The following NUP153 variants were observed in gnomAD, a reference collection of about 807,000 sequenced individuals.
The protein encoded by NUP153 is nucleoporin 153, also known as nuclear pore complex protein Nup153.
NUP153 carries 27 observed loss-of-function variants against 134.6 expected under a neutral mutation model. The observed-to-expected ratio is 0.20, with a 90% CI of 0.15 to 0.28. NUP153 has a LOEUF of 0.28. Among genes scored for constraint, NUP153 ranks in the 10% least tolerant of loss-of-function variants. NUP153 has a pLI of 1.00. For synonymous variants in NUP153, 640 were observed against 623.5 expected, an observed-to-expected ratio of 1.03 and a Z score of -0.40; for missense variants, 1,821 against 1,731.3, an observed-to-expected ratio of 1.05 and a Z score of -0.92.
Position 17,675,180 on chromosome 6 carries a change from A to G in NUP153, c.723+49T>C. 3 of 1,591,810 alleles carry G rather than the reference A, an allele frequency of 1.9e-6. No individual in the cohort carries two copies. The East Asian group carries it at 6.7e-5, about 36-fold the overall frequency. ...GAAAAAAAAAAAAAAATTATAAGCA[A>G]TAAACACTCAAAACTAATGTGATTA... On this transcript the variant is annotated intron_variant, in intron 4 of 21. Transcript: ENST00000262077. This position sits in a 1 kb window ranked among gnomAD's most constrained non-coding sequence, Gnocchi z 4.4.
rs1199592002 is a variant in NUP153, at chr6:17,675,595, T to C, written c.510A>G (p.Lys170=). 2 of 1,614,040 alleles carry C rather than the reference T, an allele frequency of 1.2e-6. No homozygotes were observed. The highest frequency in any genetic ancestry group is 1.1e-5 in the South Asian group (1 of 91,090). Residue 170 remains lysine, a synonymous_variant, in exon 3 of 22, where the codon AAA becomes AAG. Transcript: ENST00000262077. The surrounding 1 kb of genome is among the most constrained non-coding windows in gnomAD (Gnocchi z 4.4). ...SSGFSLVKEI[K]DSTSQHDDDN... is the part of the protein sequence containing the mutation. ...CATCATCATGCTGAGAGGTAGAATC[T>C]TTAATTTCCTTTACAAGGGAAAATC...
Position 17,665,390 on chromosome 6 carries a change from C to T in NUP153, c.1069-5G>A. 1 of 1,601,604 alleles carries T rather than the reference C, an allele frequency of 6.2e-7. No homozygotes were observed. Among genetic ancestry groups the T allele is most frequent in the Non-Finnish European group, 8.5e-7 (1 of 1,175,544 alleles). The stretch of plus-strand genomic sequence containing the variant: ...AGGAGGATATTGAGAATCCACCTTA[C>T]AGGTAAAGAGAAATCAAAAACATTT... On this transcript the variant is annotated splice_region_variant and splice_polypyrimidine_tract_variant and intron_variant, in intron 8 of 21. Coordinates refer to ENST00000262077, the MANE Select transcript of NUP153 (RefSeq NM_005124.4).
chr6:17,665,118 A>G, intron 9 of NUP153, 121 bp downstream of exon 9: 1 of 575,868 alleles, frequency 1.7e-6, no homozygotes, highest in Non-Finnish European at 2.8e-6. Context: ...AATCATCACT[A>G]ATTCACAACC....
intron 1 of NUP153, among the ~76,000 whole-genome samples, chr6:17,696,136 A>C (rs192693731): frequency 4.2e-4 from 64 of 152,334 alleles, no homozygotes; most frequent in East Asian, 1.4e-3. Flanking sequence ...CAAAACAAAC[A>C]AACCAACCAA....
chr6:17,675,244 A>T lies in NUP153; in HGVS notation c.708T>A (p.Phe236Leu). The change falls in exon 4 of 22, where the codon TTT becomes TTA. Residue 236 changes from phenylalanine to leucine, a missense_variant. Coordinates refer to ENST00000262077, the MANE Select transcript of NUP153 (RefSeq NM_005124.4). This position sits in a 1 kb window ranked among gnomAD's most constrained non-coding sequence, Gnocchi z 4.4. ...SKKPAFNLSA[F>L]GTLSPSLGNS... ...TAGTACTCACAGGGGAAAGTGTTCC[A>T]AAGGCAGACAAGTTGAATGCTGGTT... 6.2e-7 allele frequency: 1 copy of T among 1,614,172 alleles called. No homozygotes were observed. The highest frequency in any genetic ancestry group is 1.1e-5 in the South Asian group (1 of 91,078).
chr6:17,696,001 T>A (rs1769618050), intron 1 of NUP153, among the ~76,000 whole-genome samples: 1 of 150,000 alleles, frequency 6.7e-6, no homozygotes, highest in African/African-American at 2.5e-5. Context: ...AGAGTGAGAC[T>A]CCGTCTCAAA....
At chr6:17,651,931 A>C (rs1581706170) in intron 11 of NUP153, 1 of 619,428 alleles carries the variant, frequency 1.6e-6, no homozygotes, top group Non-Finnish European at 3.1e-6. Flanking sequence ...TTGTCTCTAC[A>C]AATAATTTTA....
At chr6:17,661,038 G>A (rs1046981722) in intron 11 of NUP153, among the ~76,000 whole-genome samples, 5 of 152,042 alleles carry the variant, frequency 3.3e-5, no homozygotes, top group Non-Finnish European at 7.4e-5. Context: ...AGACAGGCAG[G>A]GCACGGTGGC....
chr6:17,704,179 C>A (rs962238385), intron 1 of NUP153, among the ~76,000 whole-genome samples: 9 of 151,940 alleles, frequency 5.9e-5, no homozygotes, highest in African/African-American at 1.5e-4. Flanking sequence ...GTAGTTCCAG[C>A]TACTCTGGAG....
intron 20 of NUP153, among the ~76,000 whole-genome samples, chr6:17,623,167 T>C (rs1288969197): frequency 6.9e-6 from 1 of 145,708 alleles, no homozygotes; most frequent in Non-Finnish European, 1.5e-5. Flanking sequence ...CAGAGGAAAA[T>C]GTTACCTGTG....
chr6:17,621,875 G>T (rs1764656196), intron 20 of NUP153, among the ~76,000 whole-genome samples: 2 of 152,078 alleles, frequency 1.3e-5, no homozygotes, highest in Non-Finnish European at 1.5e-5. Context: ...TCAAGGTGAT[G>T]GATATCCTAA....
chr6:17,633,292 C>G (rs1765354830), intron 16 of NUP153, among the ~76,000 whole-genome samples: 2 of 152,178 alleles, frequency 1.3e-5, no homozygotes, highest in African/African-American at 4.8e-5. Context: ...TACACAGCCA[C>G]AGACCATATG....
At chr6:17,658,148 C>T (rs1474253570) in intron 11 of NUP153, among the ~76,000 whole-genome samples, 1 of 152,150 alleles carries the variant, frequency 6.6e-6, no homozygotes, top group African/African-American at 2.4e-5. Context: ...GCCTATAATC[C>T]CAGCACTCTG....
At position 17,661,750 on chromosome 6, in the gene NUP153, G is replaced by A. The variant is rs1414124422; in HGVS notation, c.1298C>T (p.Pro433Leu). 6.2e-7 allele frequency: 1 copy of A among 1,612,682 alleles called. No homozygotes were observed. The highest frequency in any genetic ancestry group is 8.5e-7 in the Non-Finnish European group (1 of 1,179,642). ...TCCAGAAGATAAACCATTGGCTGCA[G>A]GCAAACTGAAATTTGGATATGAAAA... is the stretch of plus-strand genomic sequence containing the variant. ...SGFSYPNFSL[P>L]AANGLSSGVG... is the part of the protein sequence containing the mutation. Residue 433 changes from proline to leucine, a missense_variant, in exon 11 of 22, where the codon CCT (proline) becomes CTT (leucine). Pro to Leu is a moderately conservative substitution (Grantham distance 98). Transcript: ENST00000262077.
intron 2 of NUP153, among the ~76,000 whole-genome samples, chr6:17,685,057 G>T (rs1439330907): frequency 1.3e-5 from 2 of 152,152 alleles, no homozygotes; most frequent in African/African-American, 4.8e-5. Context: ...TGGAAAAATG[G>T]CACTGATCAA....
chr6:17,675,317 G>A lies in NUP153; in HGVS notation c.635C>T (p.Ala212Val), dbSNP rs758020737. Residue 212 changes from alanine (A) to valine (V), a missense_variant, in exon 4 of 22, where the codon GCT becomes GTT. Physicochemically the swap from Ala to Val is moderately conservative, Grantham distance 64. Coordinates refer to ENST00000262077, the MANE Select transcript of NUP153 (RefSeq NM_005124.4). The surrounding 1 kb of genome is among the most constrained non-coding windows in gnomAD (Gnocchi z 4.4). The part of the protein sequence containing the change: ...TSLPPLWSPE[A>V]ERSHSLSQHT... ...CTGTGAGAGTGAGTGAGAACGTTCAGCTTCTGGGGACCACAGAGGTGGCAA... is the reference window on the plus strand; with the variant it reads ...CTGTGAGAGTGAGTGAGAACGTTCAACTTCTGGGGACCACAGAGGTGGCAA... 2 of 1,614,094 alleles carry A rather than the reference G, an allele frequency of 1.2e-6. No homozygotes were observed. The highest frequency in any genetic ancestry group is 1.7e-6 in the Non-Finnish European group (2 of 1,180,002).
At chr6:17,663,300 C>A (rs1299391399) in intron 9 of NUP153, among the ~76,000 whole-genome samples, 1 of 151,822 alleles carries the variant, frequency 6.6e-6, no homozygotes, top group African/African-American at 2.4e-5. Context: ...CTTACTCTCT[C>A]ACCCAAGCCA....
chr6:17,698,664 G>A (rs919638806), intron 1 of NUP153, among the ~76,000 whole-genome samples: 4 of 151,512 alleles, frequency 2.6e-5, no homozygotes, highest in Admixed American at 1.3e-4. Context: ...CGTGAACCCG[G>A]GAGGCAGAGC....
At chr6:17,678,708 C>G (rs1768388807) in intron 2 of NUP153, among the ~76,000 whole-genome samples, 1 of 152,124 alleles carries the variant, frequency 6.6e-6, no homozygotes, top group African/African-American at 2.4e-5. Flanking sequence ...CTTTAGGAGG[C>G]CAAGGCAGGA....
Sources: gnomAD v4.1 joint callset for allele counts (sites outside exome capture counted in the v4.1 genomes callset) on GRCh38, gnomAD v4.1.1 for gene constraint, Gnocchi (gnomAD v3.1) non-coding constraint, MANE v1.5 for transcripts, NCBI Gene and HGNC (gene_info 2026-07-23, HGNC 2026-07-21) for gene names.